MIA2: variants seen among roughly 807,000 people sequenced by gnomAD.
MIA2 encodes MIA SH3 domain ER export factor 2, also known as melanoma inhibitory activity protein 2.
In MIA2, 127 loss-of-function variants were observed where a neutral mutation model predicts 167.8. That is an observed-to-expected ratio of 0.76 (90% CI 0.66 to 0.88). The LOEUF is 0.88. Among genes scored for constraint, MIA2 ranks in the 40% least tolerant of loss-of-function variants. MIA2 has a pLI of 0.00. For missense variants in MIA2, 1,690 were observed against 1,624.7 expected (o/e 1.04, Z -0.69); for synonymous variants, 552 against 541.9 (o/e 1.02, Z -0.26).
intron 6 of MIA2, among the ~76,000 whole-genome samples, chr14:39,265,025 T>C (rs1258091014): frequency 2.0e-5 from 3 of 152,216 alleles, no homozygotes; most frequent in Non-Finnish European, 2.9e-5. Context: ...TCTATATGAA[T>C]AGGCTATAGA....
chr14:39,277,591 C>A (rs1180515592), intron 7 of MIA2, among the ~76,000 whole-genome samples: 2 of 146,752 alleles, frequency 1.4e-5, no homozygotes, highest in African/African-American at 2.5e-5. Context: ...TCAAGTGATC[C>A]TCCTGCCTCG....
At position 39,321,060 on chromosome 14, in the gene MIA2, T is replaced by C; in HGVS notation, c.3496+4T>C. ...CTTCCAGGGGGAGGAGGAAGAGGTATATTGTTTAAACATCTTTATTACTCT... is the reference window on the plus strand; with the variant it reads ...CTTCCAGGGGGAGGAGGAAGAGGTACATTGTTTAAACATCTTTATTACTCT... On this transcript the variant is annotated splice_donor_region_variant and intron_variant, in intron 24 of 28. Coordinates refer to ENST00000640607, the MANE Select transcript of MIA2 (RefSeq NM_001329214.4). 1.2e-6 allele frequency: 2 copies of C among 1,609,384 alleles called. No homozygotes were observed. The highest frequency in any genetic ancestry group is 1.7e-6 in the Non-Finnish European group (2 of 1,178,516).
intron 14 of MIA2, among the ~76,000 whole-genome samples, chr14:39,301,838 T>G (rs1370374149): frequency 6.6e-6 from 1 of 152,212 alleles, no homozygotes; most frequent in Non-Finnish European, 1.5e-5. Context: ...TTGTGGCATG[T>G]GAGAAATGTC....
At chr14:39,377,589 G>T (rs1424605853) in intron 23 of MIA2, among the ~76,000 whole-genome samples, 1 of 152,086 alleles carries the variant, frequency 6.6e-6, no homozygotes, top group Non-Finnish European at 1.5e-5. Flanking sequence ...CTAATAACAG[G>T]TATACTATAA....
intron 21 of MIA2, among the ~76,000 whole-genome samples, chr14:39,316,863 G>A (rs1002575649): frequency 6.6e-6 from 1 of 152,078 alleles, no homozygotes; most frequent in Non-Finnish European, 1.5e-5. Flanking sequence ...AAGGGCAGCA[G>A]GAACATCTTA....
chr14:39,234,209 G>T lies in MIA2; in HGVS notation c.95G>T (p.Cys32Phe). The T allele has an allele frequency of 1.2e-6, 2 of 1,607,714 alleles. No individual in the cohort carries two copies. The highest frequency in any genetic ancestry group is 1.7e-6 in the Non-Finnish European group (2 of 1,177,094). Residue 32 changes from cysteine (C) to phenylalanine (F), a missense_variant, in exon 1 of 29, where the codon TGT (cysteine) becomes TTT (phenylalanine). By Grantham distance (205) the Cys-to-Phe change is radical. Coordinates refer to ENST00000640607, the MANE Select transcript of MIA2 (RefSeq NM_001329214.4). ...STKLLADLKK[C>F]GDLECEALIN... is the part of the protein sequence containing the mutation. ...AAACTGCTGGCAGACCTTAAAAAATGTGGTGACTTGGAATGTGAAGGTAAG... is the reference window on the plus strand; with the variant it reads ...AAACTGCTGGCAGACCTTAAAAAATTTGGTGACTTGGAATGTGAAGGTAAG...
chr14:39,296,825 G>C lies in MIA2; in HGVS notation c.2496+1796G>C, dbSNP rs867489036. Among the ~76,000 whole-genome samples, 3 of 151,556 alleles carry C rather than the reference G, an allele frequency of 2.0e-5. No individual in the cohort carries two copies. In the South Asian group the frequency reaches 6.3e-4, roughly 32 times the overall value. Reference sequence around the variant, plus strand: ...GAGTCTTGCCTTGTTGATCAGGCTGGAGTTCAATGGCCTGATCTTGGCTCA... The same window carrying C: ...GAGTCTTGCCTTGTTGATCAGGCTGCAGTTCAATGGCCTGATCTTGGCTCA... On this transcript the variant is annotated intron_variant, in intron 13 of 28. Transcript: ENST00000640607.
rs559497330 is a variant in MIA2 at position 39,297,058 on chromosome 14, C to A, written c.2496+2029C>A. ...TCCCAAAGTGCTGAGATTACAAGCGCGAGCCACCACGCCCGGCTATTGGTG... is the reference window on the plus strand; with the variant it reads ...TCCCAAAGTGCTGAGATTACAAGCGAGAGCCACCACGCCCGGCTATTGGTG... On this transcript the variant is annotated intron_variant, in intron 13 of 28. Transcript: ENST00000640607. 4.3e-4 allele frequency among the ~76,000 whole-genome samples: 63 copies of A among 146,166 alleles called. 1 individual carries two copies. In the South Asian group the frequency reaches 0.013, roughly 31 times the overall value.
At chr14:39,367,075 G>T (rs571163454) in intron 23 of MIA2, among the ~76,000 whole-genome samples, 1 of 152,294 alleles carries the variant, frequency 6.6e-6, no homozygotes, top group East Asian at 1.9e-4. Flanking sequence ...ATGGAGGCAG[G>T]GTTTTTATCA....
intron 6 of MIA2, among the ~76,000 whole-genome samples, chr14:39,263,000 C>T (rs1027451399): frequency 5.3e-5 from 8 of 152,132 alleles, no homozygotes; most frequent in Admixed American, 5.2e-4. Context: ...AACTGAATAC[C>T]CTTTATTTCC....
At chr14:39,317,255 AG>A (rs2065642396) in intron 21 of MIA2, among the ~76,000 whole-genome samples, 1 of 152,184 alleles carries the variant, frequency 6.6e-6, no homozygotes, top group Non-Finnish European at 1.5e-5. Context: ...GGATTGGTAG[AG>A]GGAATGAAAG....
At chr14:39,258,632 G>A (rs746402087) in intron 6 of MIA2, among the ~76,000 whole-genome samples, 3 of 152,148 alleles carry the variant, frequency 2.0e-5, no homozygotes, top group Non-Finnish European at 2.9e-5. Flanking sequence ...CCTTGCTGGA[G>A]AGGACTTGCA....
chr14:39,313,062 T>C (rs1221151192), intron 18 of MIA2, among the ~76,000 whole-genome samples: 1 of 152,134 alleles, frequency 6.6e-6, no homozygotes, highest in East Asian at 1.9e-4. Flanking sequence ...TTATTAAATA[T>C]ATCTTTGATC....
At chr14:39,274,431 C>CTT (rs547198743) in intron 6 of MIA2, among the ~76,000 whole-genome samples, 12 of 136,966 alleles carry the variant, frequency 8.8e-5, no homozygotes, top group African/African-American at 1.1e-4. Context: ...TTCTTTTTTT[C>CTT]TTTTTTTTTT....
At chr14:39,260,545 G>T (rs187346499) in intron 6 of MIA2, among the ~76,000 whole-genome samples, 4,328 of 152,254 alleles carry the variant, frequency 0.028, 78 homozygotes, top group South Asian at 0.067. Context: ...CCCACTTTTT[G>T]ATGAAATGGT....
intron 6 of MIA2, among the ~76,000 whole-genome samples, chr14:39,265,088 TTA>T (rs947392644): frequency 1.3e-5 from 2 of 152,138 alleles, no homozygotes; most frequent in African/African-American, 4.8e-5. Flanking sequence ...TTCTTTTCAA[TTA>T]TAGATTGTAA....
chr14:39,277,203 T>C, intron 7 of MIA2, 138 bp downstream of exon 7: 1 of 1,197,806 alleles, frequency 8.3e-7, no homozygotes, highest in South Asian at 1.7e-5. Context: ...TTTTTGTTTT[T>C]TGTTTTTTTT....
chr14:39,327,186 A>G (rs941901846), intron 25 of MIA2, among the ~76,000 whole-genome samples, 164 bp downstream of exon 25: 1 of 152,256 alleles, frequency 6.6e-6, no homozygotes, highest in Non-Finnish European at 1.5e-5. Context: ...ATGATTTGAG[A>G]TAATTGTTCA....
chr14:39,288,475 A>ATATATATTTT (rs1294270700), intron 9 of MIA2, among the ~76,000 whole-genome samples: 3 of 50,516 alleles, frequency 5.9e-5, no homozygotes, highest in Non-Finnish European at 9.1e-5. Flanking sequence ...ATATATATAT[A>ATATATATTTT]TTTTTTTTTT....
Sources: gnomAD v4.1 joint callset for allele counts (sites outside exome capture counted in the v4.1 genomes callset) on GRCh38, gnomAD v4.1.1 for gene constraint, MANE v1.5 for transcripts, NCBI Gene and HGNC (gene_info 2026-07-23, HGNC 2026-07-21) for gene names.